The following MAP3K14 variants were observed in gnomAD, a reference collection of about 807,000 sequenced individuals.
MAP3K14 encodes the protein NF-kappa-beta-inducing kinase.
Under a neutral mutation model 99.2 loss-of-function variants are expected in MAP3K14, and 16 were observed. The ratio of observed to expected loss-of-function variants is 0.16; its 90% confidence interval spans 0.11 to 0.24. The LOEUF is 0.24. MAP3K14 is among the 10% of genes least tolerant of loss of function. The pLI is 1.00. For missense variants in MAP3K14, 784 were observed against 1,208.7 expected, an observed-to-expected ratio of 0.65 and a Z score of 5.21; for synonymous variants, 462 against 492.4, an observed-to-expected ratio of 0.94 and a Z score of 0.82.
Position 45,284,841 on chromosome 17 carries a change from G to A in MAP3K14, c.1261C>T (p.Gln421Ter). ...FGEVHRMEDK[Q>*]TGFQCAVKKV... ...TTGACAGCGCACTGGAAGCCAGTCT[G>A]CTTGTCCTCCATCCTGTGCACCTCT... The change falls in exon 6 of 16, where the codon CAG becomes TAG. Residue 421 changes from glutamine (Q) to a stop codon, truncating the protein, a stop_gained. Transcript: ENST00000344686. LOFTEE classifies it high-confidence loss of function. The A allele has an allele frequency of 6.3e-7, 1 of 1,594,576 alleles. No individual in the cohort carries two copies. Among genetic ancestry groups the A allele is most frequent in the South Asian group, 1.1e-5 (1 of 87,322 alleles).
At chr17:45,291,749 C>T (rs2044312974) in intron 1 of MAP3K14, among the ~76,000 whole-genome samples, 1 of 152,258 alleles carries the variant, frequency 6.6e-6, no homozygotes, top group African/African-American at 2.4e-5. Flanking sequence ...GGGCCCCTCT[C>T]AGGCATGACT....
In MAP3K14 at chr17:45,315,015, C is replaced by CAA. The variant is rs71701432; in HGVS notation, c.-21+1943_-21+1944dup. 4.6e-3 allele frequency among the ~76,000 whole-genome samples: 589 copies of CAA among 128,620 alleles called. 8 individuals carry two copies. Among genetic ancestry groups the CAA allele is most frequent in the African/African-American group, 0.015 (552 of 36,610 alleles). The allele number at this position is 128,620 out of a possible 152,430, so 84.4% of individuals were successfully genotyped here. A position where few individuals can be genotyped will look rare whatever the true frequency, so the allele number is the denominator to read the frequency against. ...CCAGGGATGAACTGTTATCAATCAC[C>CAA]AAAAAAAAAAAAAAAATCACAACAG... On this transcript the variant is annotated intron_variant, in intron 1 of 15. Transcript: ENST00000344686.
rs1414825267 is a variant in MAP3K14, at chr17:45,286,602, G to A, written c.981C>T (p.Ala327=). The A allele has an allele frequency of 3.7e-6, 6 of 1,611,438 alleles. No individual in the cohort carries two copies. The highest frequency in any genetic ancestry group is 2.2e-5 in the East Asian group (1 of 44,838). ...ATTCCTCCACAGAAAACTTCTCATG[G>A]GCACCACGAGACAGGCAGCTGGGCT... The part of the protein sequence containing the change: ...HLEPSCLSRG[A]HEKFSVEEYL... The change falls in exon 5 of 16, where the codon GCC becomes GCT. Residue 327 remains alanine (A), a synonymous_variant. Coordinates refer to ENST00000344686, the MANE Select transcript of MAP3K14 (RefSeq NM_003954.5). The surrounding 1 kb of genome is among the most constrained non-coding windows in gnomAD (Gnocchi z 4.1).
intron 1 of MAP3K14, among the ~76,000 whole-genome samples, chr17:45,302,856 C>G (rs575999795): frequency 6.6e-6 from 1 of 152,038 alleles, no homozygotes; most frequent in East Asian, 1.9e-4. Context: ...GGCCGCAAAA[C>G]AGAAGGCTGG....
chr17:45,295,397 C>T (rs1382172166), intron 1 of MAP3K14, among the ~76,000 whole-genome samples: 1 of 152,162 alleles, frequency 6.6e-6, no homozygotes, highest in Non-Finnish European at 1.5e-5. Flanking sequence ...CACCGAGGAC[C>T]TCTACAAAAT....
intron 3 of MAP3K14, 90 bp from the exon 4 acceptor site, chr17:45,287,454 C>G: frequency 4.5e-6 from 5 of 1,106,478 alleles, no homozygotes; most frequent in Non-Finnish European, 6.6e-6. Context: ...TCCTGCAGAT[C>G]CAAGGTCAAA....
rs1171594388 is a variant in MAP3K14 at position 45,272,674 on chromosome 17, T to C, written c.1657+829A>G. 6.6e-6 allele frequency among the ~76,000 whole-genome samples: 1 copy of C among 152,206 alleles called. No homozygotes were observed. Among genetic ancestry groups the C allele is most frequent in the African/African-American group, 2.4e-5 (1 of 41,446 alleles). ...TCATGATTCGGCCGGGCACGGAGGC[T>C]CATGCCTGTAATTCCAGCACTTTGG... On this transcript the variant is annotated intron_variant, in intron 9 of 15. Coordinates refer to ENST00000344686, the MANE Select transcript of MAP3K14 (RefSeq NM_003954.5). The surrounding 1 kb of genome is among the most constrained non-coding windows in gnomAD (Gnocchi z 4.1).
intron 6 of MAP3K14, among the ~76,000 whole-genome samples, chr17:45,280,632 C>T (rs551111299): frequency 1.1e-4 from 17 of 150,408 alleles, no homozygotes; most frequent in Admixed American, 4.0e-4. Flanking sequence ...ATTTTTGAGA[C>T]GGAGTCTCAT....
chr17:45,282,988 T>C (rs1274633762), intron 6 of MAP3K14, among the ~76,000 whole-genome samples: 5 of 152,240 alleles, frequency 3.3e-5, no homozygotes, highest in Admixed American at 3.3e-4. Flanking sequence ...CTGGTGGGCT[T>C]GAGCTGCAGC....
intron 6 of MAP3K14, among the ~76,000 whole-genome samples, chr17:45,278,363 C>T (rs1046887308): frequency 6.6e-6 from 1 of 152,238 alleles, no homozygotes; most frequent in Non-Finnish European, 1.5e-5. Flanking sequence ...CCTCTCTGAA[C>T]TTCCGTGTTC....
At chr17:45,291,120 A>G (rs2044306702) in intron 1 of MAP3K14, 1 of 212,020 alleles carries the variant, frequency 4.7e-6, no homozygotes, top group Non-Finnish European at 9.8e-6. Context: ...CTGTTGTTTT[A>G]TGGCAAACTT....
chr17:45,295,826 A>G (rs2044342695), intron 1 of MAP3K14, among the ~76,000 whole-genome samples: 1 of 152,206 alleles, frequency 6.6e-6, no homozygotes, highest in Non-Finnish European at 1.5e-5. Context: ...GGCTAAATGA[A>G]TGTTCATTCC....
intron 1 of MAP3K14, among the ~76,000 whole-genome samples, chr17:45,292,534 G>T (rs1378530429): frequency 6.6e-6 from 1 of 152,130 alleles, no homozygotes; most frequent in African/African-American, 2.4e-5. Flanking sequence ...GCATTCTCCA[G>T]CCTGAGTGAC....
At chr17:45,277,124 G>A (rs1395934640) in intron 6 of MAP3K14, among the ~76,000 whole-genome samples, 2 of 152,018 alleles carry the variant, frequency 1.3e-5, no homozygotes, top group Non-Finnish European at 2.9e-5. Flanking sequence ...CACTGCGCAC[G>A]GCCTCTTAGG....
chr17:45,272,918 T>C lies in MAP3K14; in HGVS notation c.1657+585A>G, dbSNP rs2143788225. Among the ~76,000 whole-genome samples, 1 of 152,284 alleles carries C rather than the reference T, an allele frequency of 6.6e-6. No individual in the cohort carries two copies. Among genetic ancestry groups the C allele is most frequent in the South Asian group, 2.1e-4 (1 of 4,832 alleles). On this transcript the variant is annotated intron_variant, in intron 9 of 15. Transcript: ENST00000344686. This position sits in a 1 kb window ranked among gnomAD's most constrained non-coding sequence, Gnocchi z 4.1. ...TTGTGCCACTGCACTCCAGCCTGGG[T>C]GACAGAGTGAGACTCTGTCTCAATG...
At chr17:45,283,782 A>G (rs2044241851) in intron 6 of MAP3K14, among the ~76,000 whole-genome samples, 2 of 152,168 alleles carry the variant, frequency 1.3e-5, no homozygotes, top group African/African-American at 4.8e-5. Flanking sequence ...CACTTGAAAC[A>G]AGGTATATCT....
At chr17:45,283,202 C>G (rs1222452335) in intron 6 of MAP3K14, among the ~76,000 whole-genome samples, 1 of 152,214 alleles carries the variant, frequency 6.6e-6, no homozygotes, top group East Asian at 1.9e-4. Flanking sequence ...GTGCGCGTCT[C>G]TTCACACTCT....
intron 8 of MAP3K14, chr17:45,273,843 C>T (rs183677331): frequency 6.2e-5 from 40 of 647,250 alleles, no homozygotes; most frequent in African/African-American, 8.9e-5. Context: ...TACTCGGGAA[C>T]GCTGCCACTC....
intron 5 of MAP3K14, among the ~76,000 whole-genome samples, chr17:45,285,853 G>A (rs2044259899): frequency 6.6e-6 from 1 of 151,762 alleles, no homozygotes. Flanking sequence ...TCGGGGGGCT[G>A]AGGCAGGAGG....
Sources: gnomAD v4.1 joint callset for allele counts (sites outside exome capture counted in the v4.1 genomes callset) on GRCh38, gnomAD v4.1.1 for gene constraint, Gnocchi (gnomAD v3.1) non-coding constraint, MANE v1.5 for transcripts, NCBI Gene and HGNC (gene_info 2026-07-23, HGNC 2026-07-21) for gene names.